The following PDZD2 variants were observed in gnomAD, a reference collection of about 807,000 sequenced individuals.
PDZD2 encodes PDZ domain-containing protein 2.
In PDZD2, 90 loss-of-function variants were observed where a neutral mutation model predicts 220.7. The ratio of observed to expected loss-of-function variants is 0.41; its 90% confidence interval spans 0.34 to 0.49. PDZD2 has a LOEUF of 0.49. Ranked by LOEUF, PDZD2 falls within the 20% of genes least tolerant of loss-of-function variation. The probability of loss-of-function intolerance (pLI) is 0.28; values close to 1 mark genes in which losing one functional copy is unlikely to be tolerated. For synonymous variants in PDZD2, 1,375 were observed against 1,450.5 expected, an observed-to-expected ratio of 0.95 and a Z score of 1.18; for missense variants, 3,174 against 3,608.5, an observed-to-expected ratio of 0.88 and a Z score of 3.08.
chr5:31,922,870 G>A (rs71627337), intron 2 of PDZD2, among the ~76,000 whole-genome samples: 27,075 of 152,062 alleles, frequency 0.18, 2,458 homozygotes, highest in Non-Finnish European at 0.19. Flanking sequence ...GTTAGACATG[G>A]GATTTTACCA....
chr5:31,666,403 T>TA (rs1301730125), intron 1 of PDZD2, among the ~76,000 whole-genome samples: 2 of 152,212 alleles, frequency 1.3e-5, no homozygotes, highest in Admixed American at 6.5e-5. Flanking sequence ...ATCTCCTTAT[T>TA]AAAAAAATAT....
At chr5:31,847,422 T>G in intron 2 of PDZD2, 41 of 516,438 alleles carry the variant, frequency 7.9e-5, no homozygotes, top group East Asian at 2.4e-4. Context: ...AAATACAGGA[T>G]GAGAGTTCGC....
intron 19 of PDZD2, among the ~76,000 whole-genome samples, chr5:32,079,936 G>A (rs1266776685): frequency 1.3e-5 from 2 of 152,176 alleles, no homozygotes; most frequent in Non-Finnish European, 2.9e-5. Context: ...TCCTTTGTTA[G>A]TGATGAGGCT....
chr5:31,981,793 G>A (rs991126405), intron 2 of PDZD2, among the ~76,000 whole-genome samples: 1 of 152,186 alleles, frequency 6.6e-6, no homozygotes, highest in Non-Finnish European at 1.5e-5. Context: ...TTTATCTTAG[G>A]TAGCATGAGT....
chr5:32,027,426 A>G (rs540380745), intron 6 of PDZD2, among the ~76,000 whole-genome samples: 1 of 152,176 alleles, frequency 6.6e-6, no homozygotes, highest in Non-Finnish European at 1.5e-5. Flanking sequence ...AGCCCATTCA[A>G]ATTGTTTGGG....
At chr5:31,812,500 A>G (rs1340208549) in intron 2 of PDZD2, among the ~76,000 whole-genome samples, 1 of 152,062 alleles carries the variant, frequency 6.6e-6, no homozygotes, top group Non-Finnish European at 1.5e-5. Flanking sequence ...GTGCAGTCAC[A>G]CAATCAAAGC....
At chr5:32,072,537 C>T (rs1740857554) in intron 17 of PDZD2, among the ~76,000 whole-genome samples, 1 of 152,130 alleles carries the variant, frequency 6.6e-6, no homozygotes, top group South Asian at 2.1e-4. Context: ...TCAAGACCAG[C>T]CTGGCTAACA....
chr5:31,879,930 T>TTTTAA (rs1440647984), intron 2 of PDZD2, among the ~76,000 whole-genome samples: 1 of 149,426 alleles, frequency 6.7e-6, no homozygotes, highest in African/African-American at 2.5e-5. Context: ...TTTTTTTTTT[T>TTTTAA]AACACGGATT....
chr5:31,832,103 C>T (rs533410998), intron 2 of PDZD2, among the ~76,000 whole-genome samples: 13 of 152,116 alleles, frequency 8.5e-5, no homozygotes, highest in South Asian at 2.1e-4. Context: ...ATGTTGCCCA[C>T]GCTGGTCTCC....
chr5:31,922,319 C>T (rs147790746), intron 2 of PDZD2, among the ~76,000 whole-genome samples: 329 of 152,230 alleles, frequency 2.2e-3, no homozygotes, highest in African/African-American at 7.5e-3. Context: ...TGTCATTGAG[C>T]GTAATGTGGT....
chr5:31,656,627 C>G (rs552450089), intron 1 of PDZD2, among the ~76,000 whole-genome samples: 12 of 152,294 alleles, frequency 7.9e-5, no homozygotes, highest in African/African-American at 2.9e-4. Context: ...TATCGCTGAT[C>G]TGTAGCATTC....
chr5:31,895,189 C>T (rs1741437022), intron 2 of PDZD2, among the ~76,000 whole-genome samples: 1 of 152,140 alleles, frequency 6.6e-6, no homozygotes, highest in South Asian at 2.1e-4. Context: ...TGCCTGGCCG[C>T]CCTTTCTTTC....
chr5:31,752,240 G>A lies in PDZD2; in HGVS notation c.-360-46649G>A, dbSNP rs151127166. Among the ~76,000 whole-genome samples, 525 of 151,564 alleles carry A rather than the reference G, an allele frequency of 3.5e-3. 2 individuals carry two copies. The highest frequency in any genetic ancestry group is 0.012 in the African/African-American group (508 of 41,326). ...AGTACAGGTATGTGCCACCATGCCC[G>A]GCTAGTTTTTAAAATTTTTTTGTTG... On this transcript the variant is annotated intron_variant, in intron 1 of 24. Coordinates refer to ENST00000438447, the MANE Select transcript of PDZD2 (RefSeq NM_178140.4).
At chr5:31,939,151 G>A (rs558160853) in intron 2 of PDZD2, among the ~76,000 whole-genome samples, 13 of 152,246 alleles carry the variant, frequency 8.5e-5, no homozygotes, top group African/African-American at 3.1e-4. Context: ...ACAAGATGGC[G>A]CCTGTACGCT....
chr5:32,024,681 T>TAAAAA (rs377545497), intron 6 of PDZD2, among the ~76,000 whole-genome samples: 63 of 132,498 alleles, frequency 4.8e-4, no homozygotes, highest in South Asian at 1.3e-3. Context: ...AGACTTCATC[T>TAAAAA]CAAAAAAAAA....
In PDZD2 at chr5:32,052,708, G is replaced by T. The variant is rs200855918; in HGVS notation, c.1763G>T (p.Gly588Val). 6.2e-7 allele frequency: 1 copy of T among 1,614,058 alleles called. No individual in the cohort carries two copies. The highest frequency in any genetic ancestry group is 8.5e-7 in the Non-Finnish European group (1 of 1,179,908). ...LIRPSVISII[G>V]LYKEKGKGLG... ...CGGCCATCCGTCATCTCGATCATTGGGTTGTACAAAGAAAAAGGCAAGGTG... is the reference window on the plus strand; with the variant it reads ...CGGCCATCCGTCATCTCGATCATTGTGTTGTACAAAGAAAAAGGCAAGGTG... Residue 588 changes from glycine (G) to valine (V), a missense_variant, in exon 9 of 25, where the codon GGG becomes GTG. Physicochemically the swap from Gly to Val is moderately radical, Grantham distance 109. Around this residue, in one of 4 missense-constraint regions of PDZD2, gnomAD observed 50 missense variants for 109.5 expected, o/e 0.46. Transcript: ENST00000438447.
rs1742987561 is a variant in PDZD2, at chr5:32,090,355, G to A, written c.6907G>A (p.Glu2303Lys). The A allele has an allele frequency of 1.9e-6, 3 of 1,614,200 alleles. No homozygotes were observed. Among genetic ancestry groups the A allele is most frequent in the Non-Finnish European group, 2.5e-6 (3 of 1,180,016 alleles). Residue 2303 changes from glutamate to lysine, a missense_variant, in exon 20 of 25, where the codon GAG (glutamate) becomes AAG (lysine). By Grantham distance (56) the Glu-to-Lys change is moderately conservative. This residue lies in a region of PDZD2 where 631 missense variants were observed against 789.9 expected (regional missense o/e 0.80). Coordinates refer to ENST00000438447, the MANE Select transcript of PDZD2 (RefSeq NM_178140.4). The surrounding 1 kb of genome is among the most constrained non-coding windows in gnomAD (Gnocchi z 4.3). The part of the protein sequence containing the change: ...TDEGDIISVQ[E>K]TSCLVTDKIK... ...TGAAGGGGATATCATTTCAGTCCAG[G>A]AGACGAGCTGCCTAGTCACAGACAA...
At chr5:32,045,860 T>C (rs931907678) in intron 7 of PDZD2, among the ~76,000 whole-genome samples, 2 of 152,190 alleles carry the variant, frequency 1.3e-5, no homozygotes, top group African/African-American at 2.4e-5. Flanking sequence ...CATATGACTG[T>C]ATCAGCTTTC....
intron 2 of PDZD2, among the ~76,000 whole-genome samples, chr5:31,878,301 C>G (rs1739503111): frequency 1.3e-5 from 2 of 152,104 alleles, no homozygotes; most frequent in African/African-American, 4.8e-5. Flanking sequence ...GGGCTTTTTT[C>G]TTGGTCCCTG....
Sources: gnomAD v4.1 joint callset for allele counts (sites outside exome capture counted in the v4.1 genomes callset) on GRCh38, gnomAD v4.1.1 for gene constraint, gnomAD v4.1.1 regional missense constraint, Gnocchi (gnomAD v3.1) non-coding constraint, MANE v1.5 for transcripts, NCBI Gene and HGNC (gene_info 2026-07-23, HGNC 2026-07-21) for gene names.